The following TNFSF4 variants were observed in gnomAD, a reference collection of about 807,000 sequenced individuals.
TNFSF4 encodes TNF superfamily member 4.
Under a neutral mutation model 7.3 loss-of-function variants are expected in TNFSF4, and 4 were observed. That is an observed-to-expected ratio of 0.55 (90% confidence interval 0.27 to 1.25). TNFSF4 has a LOEUF of 1.25. Among genes scored for constraint, TNFSF4 ranks in the 50% most tolerant of loss-of-function variants. TNFSF4 has a pLI of 0.12. For missense variants in TNFSF4, 181 were observed against 208.8 expected (o/e 0.87, Z 0.82); for synonymous variants, 76 against 83.7 (o/e 0.91, Z 0.50).
the TNFSF4 span, among the ~76,000 whole-genome samples, chr1:173,228,631 G>C: frequency 6.6e-6 from 1 of 152,168 alleles, no homozygotes; most frequent in Non-Finnish European, 1.5e-5. Context: ...AAATTTCTCC[G>C]AGCTAAAGGA....
the TNFSF4 span, among the ~76,000 whole-genome samples, chr1:173,411,916 G>A: frequency 4.6e-5 from 7 of 152,032 alleles, no homozygotes; most frequent in South Asian, 2.1e-4. Flanking sequence ...TCAGGAGTTC[G>A]AGACTAGCCT....
the TNFSF4 span, among the ~76,000 whole-genome samples, chr1:173,259,377 C>G: frequency 3.3e-5 from 5 of 152,168 alleles, no homozygotes; most frequent in Non-Finnish European, 7.4e-5. Context: ...TAGATAAGCT[C>G]ACAAAGATGA....
the TNFSF4 span, among the ~76,000 whole-genome samples, chr1:173,248,234 G>A: frequency 6.6e-6 from 1 of 152,070 alleles, no homozygotes; most frequent in Admixed American, 6.5e-5. Flanking sequence ...GCACACGTCT[G>A]TAGTCTCATC....
At chr1:173,390,750 C>CTTTTT in the TNFSF4 span, among the ~76,000 whole-genome samples, 2 of 127,716 alleles carry the variant, frequency 1.6e-5, no homozygotes, top group African/African-American at 3.0e-5. Context: ...TTTTTTTTTT[C>CTTTTT]TTTTTTTTTT....
chr1:173,400,138 G>T, the TNFSF4 span, among the ~76,000 whole-genome samples: 1 of 152,196 alleles, frequency 6.6e-6, no homozygotes, highest in Non-Finnish European at 1.5e-5. Context: ...TCTGATCAAA[G>T]AACTCACTTC....
the TNFSF4 span, among the ~76,000 whole-genome samples, chr1:173,266,932 T>C: frequency 1.3e-5 from 2 of 152,124 alleles, no homozygotes; most frequent in East Asian, 3.8e-4. Context: ...AGAAATCTTT[T>C]TAACCCAGCT....
the TNFSF4 span, among the ~76,000 whole-genome samples, chr1:173,447,912 G>C: frequency 6.6e-6 from 1 of 151,946 alleles, no homozygotes; most frequent in Non-Finnish European, 1.5e-5. Context: ...ACATAGATGG[G>C]AATAGAAGTA....
chr1:173,434,375 C>T, the TNFSF4 span, among the ~76,000 whole-genome samples: 6 of 152,140 alleles, frequency 3.9e-5, no homozygotes, highest in African/African-American at 1.4e-4. Flanking sequence ...TCTTTTTACA[C>T]GAAAGATCAC....
the TNFSF4 span, among the ~76,000 whole-genome samples, chr1:173,398,098 T>G: frequency 6.6e-6 from 1 of 152,188 alleles, no homozygotes; most frequent in African/African-American, 2.4e-5. Context: ...CCAGTTTGCT[T>G]TATTAAGGCA....
chr1:173,204,348 G>A (rs919329719), intron 1 of TNFSF4, among the ~76,000 whole-genome samples: 2 of 152,084 alleles, frequency 1.3e-5, no homozygotes, highest in African/African-American at 4.8e-5. Flanking sequence ...GATGAGGAGT[G>A]GGTAGGGTCT....
the TNFSF4 span, among the ~76,000 whole-genome samples, chr1:173,322,526 C>T: frequency 5.3e-5 from 8 of 152,170 alleles, no homozygotes; most frequent in Non-Finnish European, 1.0e-4. Context: ...CTGGGGAGTG[C>T]TTGAGAGTGG....
At chr1:173,449,248 C>A in the TNFSF4 span, among the ~76,000 whole-genome samples, 1 of 152,196 alleles carries the variant, frequency 6.6e-6, no homozygotes, top group Admixed American at 6.5e-5. Context: ...GAAGCTGATG[C>A]CAGAGCTGTT....
At chr1:173,245,744 C>T in the TNFSF4 span, among the ~76,000 whole-genome samples, 1 of 152,156 alleles carries the variant, frequency 6.6e-6, no homozygotes, top group African/African-American at 2.4e-5. Flanking sequence ...CTAAGACCCC[C>T]TTTCTTCTCC....
At chr1:173,274,767 T>C in the TNFSF4 span, among the ~76,000 whole-genome samples, 1 of 152,154 alleles carries the variant, frequency 6.6e-6, no homozygotes, top group African/African-American at 2.4e-5. Flanking sequence ...GAGGTAACTA[T>C]ATTCATTTTC....
rs150074641 is a variant in TNFSF4 at position 173,202,070 on chromosome 1, T to TATATATATATATATATATACACACA, written c.153+4953_153+4954insTGTGTGTATATATATATATATATAT. Among the ~76,000 whole-genome samples, 17 of 149,648 alleles carry TATATATATATATATATATACACACA rather than the reference T, an allele frequency of 1.1e-4. No individual in the cohort carries two copies. The East Asian group carries it at 3.2e-3, about 28-fold the overall frequency. On this transcript the variant is annotated intron_variant, in intron 1 of 2. Coordinates refer to ENST00000281834, the MANE Select transcript of TNFSF4 (RefSeq NM_003326.5). Reference sequence around the variant, plus strand: ...CTATATATATATACATATATATATATACACACACACATACACATATATATA... The same window carrying TATATATATATATATATATACACACA: ...CTATATATATATACATATATATATATATATATATATATATATATACACACAACACACACACATACACATATATATA...
chr1:173,219,915 G>C, the TNFSF4 span, among the ~76,000 whole-genome samples: 2 of 152,132 alleles, frequency 1.3e-5, no homozygotes, highest in Non-Finnish European at 1.5e-5. Flanking sequence ...GGGAGGGGCT[G>C]AGGGATAAAA....
At chr1:173,441,074 G>C in the TNFSF4 span, among the ~76,000 whole-genome samples, 12 of 152,284 alleles carry the variant, frequency 7.9e-5, no homozygotes, top group African/African-American at 2.2e-4. Context: ...AGTCAGAGCA[G>C]GGGTAACCTC....
chr1:173,329,545 A>C, the TNFSF4 span, among the ~76,000 whole-genome samples: 1 of 152,188 alleles, frequency 6.6e-6, no homozygotes, highest in African/African-American at 2.4e-5. Flanking sequence ...ATACCAAAAA[A>C]AAGAAAAGCA....
At chr1:173,214,741 G>C in the TNFSF4 span, among the ~76,000 whole-genome samples, 1 of 152,152 alleles carries the variant, frequency 6.6e-6, no homozygotes, top group Admixed American at 6.5e-5. Flanking sequence ...TTGATGAATG[G>C]GAGTACATCT....
Sources: gnomAD v4.1 joint callset for allele counts (sites outside exome capture counted in the v4.1 genomes callset) on GRCh38, gnomAD v4.1.1 for gene constraint, MANE v1.5 for transcripts, NCBI Gene and HGNC (gene_info 2026-07-23, HGNC 2026-07-21) for gene names.